The following ADAMTS15 variants were observed in gnomAD, a reference collection of about 807,000 sequenced individuals.
ADAMTS15 encodes the protein A disintegrin and metalloproteinase with thrombospondin motifs 15.
A neutral mutation model predicts 79.1 loss-of-function variants in ADAMTS15; 35 were observed. That is an observed-to-expected ratio of 0.44 (90% CI 0.34 to 0.59). The LOEUF (loss-of-function observed/expected upper bound fraction) is 0.59, where lower values mean the gene tolerates loss of function less well. Ranked by LOEUF, ADAMTS15 falls within the 20% of genes least tolerant of loss-of-function variation. The pLI is 0.02. For synonymous variants in ADAMTS15, 616 were observed against 567.3 expected (o/e 1.09, Z -1.22); for missense variants, 1,324 against 1,318.7 (o/e 1.00, Z -0.06).
rs1332554850 is a variant in ADAMTS15, at chr11:130,473,537, A to G, written c.2569A>G (p.Ser857Gly). The G allele has an allele frequency of 1.2e-6, 2 of 1,605,474 alleles. No individual in the cohort carries two copies. The highest frequency in any genetic ancestry group is 1.3e-5 in the African/African-American group (1 of 74,718). The change falls in exon 8 of 8, where the codon AGT becomes GGT. Residue 857 changes from serine to glycine, a missense_variant. Physicochemically the swap from Ser to Gly is moderately conservative, Grantham distance 56 (BLOSUM62 0). Transcript: ENST00000299164. Reference sequence around the variant, plus strand: ...GGGGCCGTGCTCCGCGAGCTGCGGCAGTGGCCTGCAGAAGCGGGCGGTGGA... The same window carrying G: ...GGGGCCGTGCTCCGCGAGCTGCGGCGGTGGCCTGCAGAAGCGGGCGGTGGA... ...SWGPCSASCG[S>G]GLQKRAVDCR...
chr11:130,460,587 C>T (rs1938179044), intron 1 of ADAMTS15, among the ~76,000 whole-genome samples: 2 of 152,178 alleles, frequency 1.3e-5, no homozygotes, highest in Non-Finnish European at 2.9e-5. Context: ...CAACACACGT[C>T]TTCTTAAGAG....
intron 1 of ADAMTS15, among the ~76,000 whole-genome samples, chr11:130,458,793 G>A (rs1235185294): frequency 1.3e-5 from 2 of 152,172 alleles, no homozygotes; most frequent in Admixed American, 6.5e-5. Flanking sequence ...AGAGGCAAGG[G>A]TAGGTGCCTG....
intron 1 of ADAMTS15, among the ~76,000 whole-genome samples, chr11:130,461,116 G>A (rs1938190092): frequency 6.6e-6 from 1 of 152,226 alleles, no homozygotes; most frequent in Admixed American, 6.5e-5. Flanking sequence ...TGTTGCCTCA[G>A]CGAGCCTCCC....
intron 1 of ADAMTS15, chr11:130,450,502 G>C: frequency 1.1e-6 from 1 of 937,572 alleles, no homozygotes; most frequent in Non-Finnish European, 1.3e-6. Flanking sequence ...GTGGGTTGCA[G>C]TGACAGGCCA....
chr11:130,471,605 C>T (rs749709653), intron 7 of ADAMTS15, among the ~76,000 whole-genome samples: 1 of 152,070 alleles, frequency 6.6e-6, no homozygotes, highest in Non-Finnish European at 1.5e-5. Flanking sequence ...AAGACGAATG[C>T]TGGGGGAAGA....
At chr11:130,450,275 T>A in intron 1 of ADAMTS15, 1 of 985,436 alleles carries the variant, frequency 1.0e-6, no homozygotes, top group Non-Finnish European at 1.2e-6. Context: ...GGAGACGCCG[T>A]GAGGATGGTG....
chr11:130,450,101 C>T (rs952787753), intron 1 of ADAMTS15, 171 bp downstream of exon 1: 8 of 985,488 alleles, frequency 8.1e-6, no homozygotes, highest in Non-Finnish European at 9.6e-6. Flanking sequence ...TCCCACGCTC[C>T]GCGGAGCGGC....
At chr11:130,470,212 A>ATATG (rs1938422452) in intron 5 of ADAMTS15, among the ~76,000 whole-genome samples, 1 of 52,302 alleles carries the variant, frequency 1.9e-5, no homozygotes, top group African/African-American at 1.1e-4. Flanking sequence ...ATATATATGT[A>ATATG]TATATATATA....
chr11:130,473,590 G>A lies in ADAMTS15; in HGVS notation c.2622G>A (p.Thr874=), dbSNP rs367980831. ...VDCRGSAGQR[T]VPACDAAHRP... is the part of the protein sequence containing the mutation. Reference sequence around the variant, plus strand: ...GCCGGGGCTCCGCCGGGCAGCGCACGGTCCCTGCCTGTGATGCAGCCCATC... The same window carrying A: ...GCCGGGGCTCCGCCGGGCAGCGCACAGTCCCTGCCTGTGATGCAGCCCATC... The change falls in exon 8 of 8, where the codon ACG becomes ACA. Residue 874 remains threonine, a synonymous_variant. Transcript: ENST00000299164. 2.5e-6 allele frequency: 4 copies of A among 1,607,152 alleles called. No homozygotes were observed. Among genetic ancestry groups the A allele is most frequent in the Non-Finnish European group, 3.4e-6 (4 of 1,176,916 alleles).
Position 130,472,973 on chromosome 11 carries a change from A to G in ADAMTS15, c.2079-74A>G, listed in dbSNP as rs1003917816. ...TCACCGAAAGCTAGGTTTACTGAGG[A>G]AAACAGATCCTGGAGCATAAGGTCC... On this transcript the variant is annotated intron_variant, in intron 7 of 7. Coordinates refer to ENST00000299164, the MANE Select transcript of ADAMTS15 (RefSeq NM_139055.4). The surrounding 1 kb of genome is among the most constrained non-coding windows in gnomAD (Gnocchi z 4.7). 3.9e-6 allele frequency: 6 copies of G among 1,555,266 alleles called. No homozygotes were observed. Among genetic ancestry groups the G allele is most frequent in the South Asian group, 1.2e-5 (1 of 81,426 alleles).
At chr11:130,460,534 C>T (rs542260573) in intron 1 of ADAMTS15, among the ~76,000 whole-genome samples, 1 of 152,282 alleles carries the variant, frequency 6.6e-6, no homozygotes, top group East Asian at 1.9e-4. Context: ...GCCTCGGCCT[C>T]CCAAAGTGCT....
intron 2 of ADAMTS15, 90 bp downstream of exon 2, chr11:130,461,711 C>T: frequency 6.4e-7 from 1 of 1,556,540 alleles, no homozygotes; most frequent in Non-Finnish European, 8.7e-7. Context: ...CCCTTGTGTT[C>T]TGAAGCCTTA....
intron 5 of ADAMTS15, among the ~76,000 whole-genome samples, chr11:130,470,162 A>ATATATATATATATACATG (rs1938406368): frequency 1.8e-5 from 1 of 56,602 alleles, no homozygotes; most frequent in African/African-American, 1.1e-4. Flanking sequence ...GTGTATATAT[A>ATATATATATATATACATG]TATATATATA....
chr11:130,473,775 A>C lies in ADAMTS15; in HGVS notation c.2807A>C (p.His936Pro). The C allele has an allele frequency of 6.3e-7, 1 of 1,598,902 alleles. No homozygotes were observed. Among genetic ancestry groups the C allele is most frequent in the African/African-American group, 1.3e-5 (1 of 75,034 alleles). The change falls in exon 8 of 8, where the codon CAC (histidine) becomes CCC (proline). Residue 936 changes from histidine (H) to proline (P), a missense_variant. His to Pro is a moderately conservative substitution (Grantham distance 77, BLOSUM62 -2). Coordinates refer to ENST00000299164, the MANE Select transcript of ADAMTS15 (RefSeq NM_139055.4). ...CTGGCCCGGGACCAGTGCAACTTGCACCGCAAGCCCCAGGAGCTGGACTTC... is the reference window on the plus strand; with the variant it reads ...CTGGCCCGGGACCAGTGCAACTTGCCCCGCAAGCCCCAGGAGCTGGACTTC... ...RLLARDQCNL[H>P]RKPQELDFCV...
intron 4 of ADAMTS15, among the ~76,000 whole-genome samples, chr11:130,464,204 C>CT (rs1301058734): frequency 6.6e-6 from 1 of 152,134 alleles, no homozygotes; most frequent in Non-Finnish European, 1.5e-5. Flanking sequence ...GAAGATGAGG[C>CT]TGGAGGATGC....
At chr11:130,466,216 C>A (rs930841231) in intron 4 of ADAMTS15, among the ~76,000 whole-genome samples, 1 of 152,210 alleles carries the variant, frequency 6.6e-6, no homozygotes, top group Non-Finnish European at 1.5e-5. Flanking sequence ...GGCACTCATT[C>A]CTTTCCCTCT....
chr11:130,469,863 AATGTTTCT>A (rs1938384567), intron 5 of ADAMTS15, among the ~76,000 whole-genome samples: 1 of 151,924 alleles, frequency 6.6e-6, no homozygotes, highest in East Asian at 1.9e-4. Flanking sequence ...TATTTTTATT[AATGTTTCT>A]ATCTAACATT....
In ADAMTS15 at chr11:130,470,160, A is replaced by ATATATATATATGTATATATG. The variant is rs1938404904; in HGVS notation, c.1720+732_1720+733insGTATATATGTATATATATAT. On this transcript the variant is annotated intron_variant, in intron 5 of 7. Coordinates refer to ENST00000299164, the MANE Select transcript of ADAMTS15 (RefSeq NM_139055.4). ...TATATATATATATATATGTGTATAT[A>ATATATATATATGTATATATG]TATATATATATATATATATATGTGT... Among the ~76,000 whole-genome samples the ATATATATATATGTATATATG allele has an allele frequency of 3.0e-4, 17 of 57,294 alleles. 1 individual carries two copies. The highest frequency in any genetic ancestry group is 4.9e-4 in the Non-Finnish European group (15 of 30,514). 37.6% of individuals were successfully genotyped at this position (57,294 alleles called of 152,430 possible).
At chr11:130,470,185 T>TATATATATATAC (rs1565397844) in intron 5 of ADAMTS15, among the ~76,000 whole-genome samples, 7 of 47,206 alleles carry the variant, frequency 1.5e-4, no homozygotes, top group African/African-American at 4.0e-4. Flanking sequence ...TATATATGTG[T>TATATATATATAC]GTATATATAT....
Sources: gnomAD v4.1 joint callset for allele counts (sites outside exome capture counted in the v4.1 genomes callset) on GRCh38, gnomAD v4.1.1 for gene constraint, Gnocchi (gnomAD v3.1) non-coding constraint, MANE v1.5 for transcripts, NCBI Gene and HGNC (gene_info 2026-07-23, HGNC 2026-07-21) for gene names.